Variants in ARHGAP8 observed in about 807,000 individuals in gnomAD.
ARHGAP8 encodes Rho GTPase activating protein 8.
In ARHGAP8, 62 loss-of-function variants were observed where a neutral mutation model predicts 46.1. That is an observed-to-expected ratio of 1.34 (90% CI 1.10 to 1.66). The LOEUF (loss-of-function observed/expected upper bound fraction) is 1.66. ARHGAP8 is among the 40% of genes most tolerant of loss of function. The probability of loss-of-function intolerance (pLI) is 0.00; values close to 1 mark genes in which losing one functional copy is unlikely to be tolerated. For synonymous variants in ARHGAP8, 375 were observed against 243.1 expected (o/e 1.54, Z -5.05); for missense variants, 923 against 568.4 (o/e 1.62, Z -6.34).
intron 4 of ARHGAP8, chr22:44,808,877 G>A: frequency 2.7e-6 from 1 of 364,262 alleles, no homozygotes; most frequent in Non-Finnish European, 5.4e-6. Context: ...GAGTGCAGTG[G>A]TGCAATCATG....
At chr22:44,817,484 G>A (rs922859182) in intron 5 of ARHGAP8, among the ~76,000 whole-genome samples, 1 of 152,212 alleles carries the variant, frequency 6.6e-6, no homozygotes, top group African/African-American at 2.4e-5. Context: ...TAGCAAAAAA[G>A]CTAGTCCTGT....
intron 1 of ARHGAP8, among the ~76,000 whole-genome samples, chr22:44,767,603 G>C (rs930170743): frequency 5.3e-5 from 8 of 151,988 alleles, no homozygotes; most frequent in African/African-American, 1.9e-4. Context: ...GCCTTTAACT[G>C]TTGTGTCTCT....
intron 1 of ARHGAP8, among the ~76,000 whole-genome samples, chr22:44,775,609 G>A (rs552881967): frequency 3.5e-4 from 53 of 152,004 alleles, no homozygotes; most frequent in Non-Finnish European, 6.8e-4. Context: ...CACCACGCCC[G>A]GCTAATTTTT....
intron 1 of ARHGAP8, among the ~76,000 whole-genome samples, chr22:44,781,580 A>C (rs981535650): frequency 6.6e-6 from 1 of 151,974 alleles, no homozygotes; most frequent in East Asian, 1.9e-4. Context: ...CTGGAGTGCG[A>C]TGGCGCGATC....
At chr22:44,813,740 CACACCTACATACACACCTATATACACTT>C (rs994288722) in intron 4 of ARHGAP8, among the ~76,000 whole-genome samples, 2 of 151,206 alleles carry the variant, frequency 1.3e-5, no homozygotes, top group Non-Finnish European at 2.9e-5. Context: ...TACACCTACA[CACACCTACATACACACCTATATACACTT>C]ACACCTACAT....
chr22:44,826,123 C>T (rs537495455), intron 7 of ARHGAP8, among the ~76,000 whole-genome samples: 5 of 152,068 alleles, frequency 3.3e-5, no homozygotes, highest in African/African-American at 9.6e-5. Flanking sequence ...TGGGGTGTGT[C>T]GTGCTAGGAG....
chr22:44,790,095 T>C (rs2147055693), intron 2 of ARHGAP8, among the ~76,000 whole-genome samples: 1 of 152,316 alleles, frequency 6.6e-6, no homozygotes, highest in Non-Finnish European at 1.5e-5. Context: ...ATGGTGGCTC[T>C]GGGGCACATT....
chr22:44,771,242 A>ATT (rs368256843), intron 1 of ARHGAP8, among the ~76,000 whole-genome samples: 30,337 of 108,274 alleles, frequency 0.28, 5,495 homozygotes, highest in East Asian at 0.63. Flanking sequence ...TTGCAAGTAA[A>ATT]TTTTTTTTTT....
chr22:44,771,593 C>G (rs577841145), intron 1 of ARHGAP8, among the ~76,000 whole-genome samples: 1 of 149,784 alleles, frequency 6.7e-6, no homozygotes, highest in Non-Finnish European at 1.5e-5. Context: ...TTGCTCTTGT[C>G]CCCCAGGCTG....
chr22:44,824,014 A>T (rs1930334722), intron 6 of ARHGAP8, among the ~76,000 whole-genome samples: 1 of 152,116 alleles, frequency 6.6e-6, no homozygotes, highest in Non-Finnish European at 1.5e-5. Context: ...TCCAATGCTG[A>T]TGCTTTTAAA....
chr22:44,798,105 T>C (rs1202790015), intron 2 of ARHGAP8, among the ~76,000 whole-genome samples: 1 of 151,650 alleles, frequency 6.6e-6, no homozygotes. Context: ...GCTTCCTGAG[T>C]AGCTGGGACT....
chr22:44,767,255 C>A (rs1002645796), intron 1 of ARHGAP8, among the ~76,000 whole-genome samples: 1 of 152,106 alleles, frequency 6.6e-6, no homozygotes, highest in Non-Finnish European at 1.5e-5. Context: ...AGAAACATTT[C>A]AGAAATATTG....
At chr22:44,784,392 A>G (rs548060456) in intron 1 of ARHGAP8, among the ~76,000 whole-genome samples, 70 of 152,312 alleles carry the variant, frequency 4.6e-4, no homozygotes, top group African/African-American at 1.5e-3. Context: ...CGAGGGAGTG[A>G]GACTCGGTCT....
At position 44,859,549 on chromosome 22, in the gene ARHGAP8, A is replaced by T. The variant is rs567262592; in HGVS notation, c.878-182A>T. On this transcript the variant is annotated intron_variant, in intron 10 of 11. Transcript: ENST00000356099. The stretch of plus-strand genomic sequence containing the variant: ...TAACCCCATCTCAGCAAGAATAGCC[A>T]AACACACAGGTTTGCTGAGCAGAGC... 10 of 627,878 alleles carry T rather than the reference A, an allele frequency of 1.6e-5. No homozygotes were observed. In the African/African-American group the frequency reaches 1.7e-4, roughly 10 times the overall value. 38.9% of individuals were successfully genotyped at this position (627,878 alleles called of 1,614,324 possible). A position where few individuals can be genotyped will look rare whatever the true frequency, so the allele number is the denominator to read the frequency against.
rs1369611718 is a variant in ARHGAP8 at position 44,847,991 on chromosome 22, T to C, written c.689T>C (p.Leu230Pro). The change falls in exon 9 of 12, where the codon CTG becomes CCG. Residue 230 changes from leucine (L) to proline (P), a missense_variant. Physicochemically the swap from Leu to Pro is moderately conservative, Grantham distance 98 (BLOSUM62 -3). Transcript: ENST00000356099. ...CCTGCAGGCCTGCGCACCGAGGGCC[T>C]GTTCCGGAGATCCGCCAGCGTGCAG... ...LREKGLRTEGLFRRSASVQTV... is the reference protein window; with the variant it reads ...LREKGLRTEGPFRRSASVQTV... The C allele has an allele frequency of 1.2e-6, 2 of 1,607,978 alleles. No homozygotes were observed. Among genetic ancestry groups the C allele is most frequent in the East Asian group, 4.5e-5 (2 of 44,894 alleles).
chr22:44,845,458 G>C (rs763590508), intron 8 of ARHGAP8, 116 bp downstream of exon 8: 22 of 1,410,252 alleles, frequency 1.6e-5, no homozygotes, highest in Non-Finnish European at 2.1e-5. Flanking sequence ...AGGAAGGGAG[G>C]GGCTCAAGCA....
At chr22:44,774,098 A>G (rs1318603094) in intron 1 of ARHGAP8, among the ~76,000 whole-genome samples, 1 of 152,220 alleles carries the variant, frequency 6.6e-6, no homozygotes, top group Non-Finnish European at 1.5e-5. Flanking sequence ...AAGGCTCTCC[A>G]GGTAGTCTGG....
intron 1 of ARHGAP8, among the ~76,000 whole-genome samples, chr22:44,774,917 G>C (rs1602157484): frequency 6.6e-6 from 1 of 152,074 alleles, no homozygotes; most frequent in Non-Finnish European, 1.5e-5. Context: ...TGCAACCTCT[G>C]CTTCCTGGGT....
In ARHGAP8 at chr22:44,862,762, A is replaced by G; in HGVS notation, c.*167A>G. On this transcript the variant is annotated 3_prime_UTR_variant, in exon 12 of 12. Coordinates refer to ENST00000356099, the MANE Select transcript of ARHGAP8 (RefSeq NM_181335.3). Reference sequence around the variant, plus strand: ...CTTGGACTCTTGTCCATGGTTCCTGAGCTGTGGACCGGGATAGAATAATGC... The same window carrying G: ...CTTGGACTCTTGTCCATGGTTCCTGGGCTGTGGACCGGGATAGAATAATGC... 1 of 834,982 alleles carries G rather than the reference A, an allele frequency of 1.2e-6. No homozygotes were observed. Among genetic ancestry groups the G allele is most frequent in the Non-Finnish European group, 1.8e-6 (1 of 566,906 alleles). The allele number at this position is 834,982 out of a possible 1,614,324, so 51.7% of individuals were successfully genotyped here.
Sources: gnomAD v4.1 joint callset for allele counts (sites outside exome capture counted in the v4.1 genomes callset) on GRCh38, gnomAD v4.1.1 for gene constraint, MANE v1.5 for transcripts, NCBI Gene and HGNC (gene_info 2026-07-23, HGNC 2026-07-21) for gene names.